The following NKAIN1 variants were observed in gnomAD, a reference collection of about 807,000 sequenced individuals.
The protein encoded by NKAIN1 is sodium/potassium-transporting ATPase subunit beta-1-interacting protein 1.
A neutral mutation model predicts 31.6 loss-of-function variants in NKAIN1; 13 were observed. The observed-to-expected ratio is 0.41, with a 90% confidence interval of 0.27 to 0.65. The LOEUF is 0.65. Ranked by LOEUF, NKAIN1 falls within the 30% of genes least tolerant of loss-of-function variation. The pLI is 0.30. For synonymous variants in NKAIN1, 104 were observed against 109.0 expected (o/e 0.95, Z 0.28); for missense variants, 193 against 262.2 (o/e 0.74, Z 1.82).
chr1:31,196,224 C>T (rs1645325261), intron 1 of NKAIN1, among the ~76,000 whole-genome samples: 1 of 151,390 alleles, frequency 6.6e-6, no homozygotes, highest in Admixed American at 6.6e-5. Flanking sequence ...ACTAAAAATA[C>T]AAAAATTGGC....
chr1:31,188,738 C>A (rs1013588218), intron 1 of NKAIN1, among the ~76,000 whole-genome samples: 2 of 152,182 alleles, frequency 1.3e-5, no homozygotes, highest in South Asian at 2.1e-4. Flanking sequence ...CTTGCCCATG[C>A]GACTTGCTTT....
intron 1 of NKAIN1, among the ~76,000 whole-genome samples, chr1:31,189,816 A>G (rs905067306): frequency 6.6e-6 from 1 of 152,228 alleles, no homozygotes; most frequent in African/African-American, 2.4e-5. Flanking sequence ...CAATCAGAAC[A>G]GAGCTGCTAT....
chr1:31,192,151 C>A lies in NKAIN1; in HGVS notation c.55-3964G>T, dbSNP rs61778276. Among the ~76,000 whole-genome samples, 980 of 152,304 alleles carry A rather than the reference C, an allele frequency of 6.4e-3. 3 individuals carry two copies. The highest frequency in any genetic ancestry group is 0.031 in the Middle Eastern group (9 of 294). On this transcript the variant is annotated intron_variant, in intron 1 of 6. Coordinates refer to ENST00000373736, the MANE Select transcript of NKAIN1 (RefSeq NM_024522.3). ...TCCCTCTTTTGGTAGGAAGGCCTCC[C>A]TGACTGGCCCACAGGTGCTGCTCTC...
chr1:31,208,201 C>T (rs1378617434), intron 1 of NKAIN1, among the ~76,000 whole-genome samples: 4 of 152,142 alleles, frequency 2.6e-5, no homozygotes, highest in South Asian at 4.2e-4. Context: ...TCCCTAAGCC[C>T]GTTTCCTCAT....
At position 31,202,112 on chromosome 1, in the gene NKAIN1, G is replaced by A. The variant is rs576837734; in HGVS notation, c.55-13925C>T. Among the ~76,000 whole-genome samples the A allele has an allele frequency of 5.3e-5, 8 of 152,306 alleles. No individual in the cohort carries two copies. The South Asian group carries it at 1.7e-3, about 32-fold the overall frequency. On this transcript the variant is annotated intron_variant, in intron 1 of 6. Transcript: ENST00000373736. ...GACTGATTGGGCCAGCCCTGGTCTT[G>A]TCAGGAGGCAGCAGCAGGCTCCTGG... is the stretch of plus-strand genomic sequence containing the variant.
chr1:31,195,798 G>A (rs374084731), intron 1 of NKAIN1, among the ~76,000 whole-genome samples: 42 of 149,224 alleles, frequency 2.8e-4, no homozygotes, highest in African/African-American at 8.9e-4. Context: ...GGTGGTGCAC[G>A]TCTGTGGTCC....
chr1:31,200,045 A>ACATG (rs1553162448), intron 1 of NKAIN1, among the ~76,000 whole-genome samples: 1 of 151,344 alleles, frequency 6.6e-6, no homozygotes, highest in South Asian at 2.1e-4. Context: ...ACACATGCAC[A>ACATG]CGTGCACACA....
intron 3 of NKAIN1, 62 bp from the exon 4 acceptor site, chr1:31,184,076 C>A: frequency 1.4e-6 from 2 of 1,464,372 alleles, no homozygotes; most frequent in South Asian, 1.2e-5. Flanking sequence ...GCTACTCCCC[C>A]AGCCCAGGAA....
chr1:31,187,532 A>G (rs1347660645), intron 2 of NKAIN1, among the ~76,000 whole-genome samples: 2 of 152,144 alleles, frequency 1.3e-5, no homozygotes, highest in Non-Finnish European at 2.9e-5. Flanking sequence ...TGAGAAACTA[A>G]ATAAGATGAA....
intron 1 of NKAIN1, among the ~76,000 whole-genome samples, chr1:31,232,763 T>C (rs2148368870): frequency 6.6e-6 from 1 of 152,168 alleles, no homozygotes; most frequent in East Asian, 1.9e-4. Flanking sequence ...TGATCAGAGC[T>C]GACTATCTCT....
At chr1:31,196,204 C>A (rs772094254) in intron 1 of NKAIN1, among the ~76,000 whole-genome samples, 1 of 151,938 alleles carries the variant, frequency 6.6e-6, no homozygotes, top group Admixed American at 6.6e-5. Context: ...CATGGTGAAA[C>A]CCCGCCTCTA....
intron 1 of NKAIN1, among the ~76,000 whole-genome samples, chr1:31,234,860 A>C (rs1469114613): frequency 6.6e-6 from 1 of 152,172 alleles, no homozygotes; most frequent in African/African-American, 2.4e-5. Flanking sequence ...GTTCAGACAG[A>C]AGAGTCCTCG....
chr1:31,214,968 A>G (rs777960626), intron 1 of NKAIN1, among the ~76,000 whole-genome samples: 4 of 152,174 alleles, frequency 2.6e-5, no homozygotes, highest in Admixed American at 6.5e-5. Flanking sequence ...ATCATGCTGG[A>G]GGCGTTAAGC....
At chr1:31,193,030 C>G (rs1384305220) in intron 1 of NKAIN1, among the ~76,000 whole-genome samples, 2 of 150,738 alleles carry the variant, frequency 1.3e-5, no homozygotes, top group Non-Finnish European at 3.0e-5. Flanking sequence ...GATTCAGTGT[C>G]TTATAAACAA....
At position 31,180,784 on chromosome 1, in the gene NKAIN1, G is replaced by C. The variant is rs1570445450; in HGVS notation, c.*919C>G. On this transcript the variant is annotated 3_prime_UTR_variant, in exon 7 of 7. Coordinates refer to ENST00000373736, the MANE Select transcript of NKAIN1 (RefSeq NM_024522.3). ...GTGGACAGAGGCTGAGTGTAGGAAG[G>C]CTTCTCTGTGGGTGGGGCTGAATTT... is the stretch of plus-strand genomic sequence containing the variant. The C allele has an allele frequency of 6.6e-6, 1 of 152,278 alleles. No individual in the cohort carries two copies. The highest frequency in any genetic ancestry group is 1.5e-5 in the Non-Finnish European group (1 of 68,108). The allele number at this position is 152,278 out of a possible 1,614,324, so 9.4% of individuals were successfully genotyped here. A position where few individuals can be genotyped will look rare whatever the true frequency, so the allele number is the denominator to read the frequency against.
chr1:31,199,484 T>C (rs946887), intron 1 of NKAIN1, among the ~76,000 whole-genome samples: 107,420 of 151,794 alleles, frequency 0.71, 39,414 homozygotes, highest in Middle Eastern at 0.9. Context: ...ACCCCTCATC[T>C]GTGAAATGAG....
chr1:31,210,759 G>C (rs1040832063), intron 1 of NKAIN1, among the ~76,000 whole-genome samples: 1 of 152,178 alleles, frequency 6.6e-6, no homozygotes, highest in African/African-American at 2.4e-5. Context: ...TAAGGAGAAA[G>C]GGTCCAACCC....
chr1:31,217,434 G>A (rs1272073088), intron 1 of NKAIN1, among the ~76,000 whole-genome samples: 1 of 152,148 alleles, frequency 6.6e-6, no homozygotes, highest in Non-Finnish European at 1.5e-5. Context: ...TCAAAATGCT[G>A]GGATTACTGG....
intron 1 of NKAIN1, among the ~76,000 whole-genome samples, chr1:31,209,495 G>A (rs1194271689): frequency 6.6e-6 from 1 of 152,042 alleles, no homozygotes; most frequent in East Asian, 1.9e-4. Context: ...CTGCAAAAAG[G>A]GAGTCTCCTG....
Sources: allele counts gnomAD v4.1 joint callset (sites outside exome capture counted in the v4.1 genomes callset), GRCh38; gene constraint gnomAD v4.1.1; transcripts MANE v1.5; gene names NCBI Gene and HGNC (gene_info 2026-07-23, HGNC 2026-07-21).